The following AOPEP variants were observed in gnomAD, a reference collection of about 807,000 sequenced individuals.
AOPEP encodes aminopeptidase O.
In AOPEP, 77 loss-of-function variants were observed where a neutral mutation model predicts 98.1. The observed-to-expected ratio is 0.78, with a 90% confidence interval of 0.65 to 0.95. The LOEUF is 0.95. Ranked by LOEUF, AOPEP falls within the 40% of genes least tolerant of loss-of-function variation. The pLI, the probability that AOPEP is intolerant of heterozygous loss-of-function variation, is 0.00. For missense variants in AOPEP, 1,024 were observed against 1,024.7 expected (o/e 1.00, Z 0.01); for synonymous variants, 346 against 365.3 (o/e 0.95, Z 0.60).
chr9:95,087,006 A>G lies in AOPEP; in HGVS notation c.*329A>G, dbSNP rs866231866. 2 of 929,074 alleles carry G rather than the reference A, an allele frequency of 2.2e-6. No individual in the cohort carries two copies. Among genetic ancestry groups the G allele is most frequent in the Non-Finnish European group, 1.3e-6 (1 of 777,708 alleles). The allele number at this position is 929,074 out of a possible 1,614,324, so 57.6% of individuals were successfully genotyped here. A position where few individuals can be genotyped will look rare whatever the true frequency, so the allele number is the denominator to read the frequency against. On this transcript the variant is annotated 3_prime_UTR_variant, in exon 17 of 17. Coordinates refer to ENST00000375315, the MANE Select transcript of AOPEP (RefSeq NM_001193329.3). ...TTGGAAAACCTGCTGAACATTTTAC[A>G]TTGGTCTGCTCAGCACATGGCTGGA...
At chr9:94,846,423 G>A (rs2042872118) in intron 5 of AOPEP, among the ~76,000 whole-genome samples, 4 of 152,164 alleles carry the variant, frequency 2.6e-5, no homozygotes, top group Admixed American at 1.3e-4. Flanking sequence ...AGTTTAACTG[G>A]AGTGAGTTGA....
At chr9:95,150,023 C>T in the AOPEP span, 4 of 1,614,128 alleles carry the variant, frequency 2.5e-6, no homozygotes, top group East Asian at 4.5e-5. Context: ...AGGGGGTCAA[C>T]ATCTGTCAGG....
intron 11 of AOPEP, chr9:95,004,007 T>C: frequency 3.3e-6 from 1 of 307,116 alleles, no homozygotes; most frequent in Non-Finnish European, 6.5e-6. Context: ...CATGGCAAAG[T>C]TGCTGCTATT....
At chr9:94,891,320 C>T (rs1173562460) in intron 5 of AOPEP, among the ~76,000 whole-genome samples, 2 of 152,150 alleles carry the variant, frequency 1.3e-5, no homozygotes, top group Non-Finnish European at 2.9e-5. Context: ...TGTTGTTACG[C>T]TTGAAGTGAA....
intron 13 of AOPEP, among the ~76,000 whole-genome samples, chr9:95,042,035 A>G (rs950454386): frequency 6.6e-6 from 1 of 152,154 alleles, no homozygotes; most frequent in Admixed American, 6.5e-5. Context: ...GTCATTGGCC[A>G]GGCGCGGTGG....
intron 3 of AOPEP, among the ~76,000 whole-genome samples, chr9:94,782,184 C>T (rs1398670117): frequency 2.7e-5 from 4 of 150,778 alleles, no homozygotes; most frequent in East Asian, 2.0e-4. Flanking sequence ...AGTGAGACTC[C>T]GTCTCAAAAA....
At chr9:94,918,842 C>T (rs879864756) in intron 5 of AOPEP, among the ~76,000 whole-genome samples, 4 of 151,632 alleles carry the variant, frequency 2.6e-5, no homozygotes, top group Non-Finnish European at 4.4e-5. Context: ...GTCTCTCTGC[C>T]GTAGTCACAT....
At chr9:95,120,536 C>T in the AOPEP span, among the ~76,000 whole-genome samples, 1 of 151,992 alleles carries the variant, frequency 6.6e-6, no homozygotes, top group Non-Finnish European at 1.5e-5. Flanking sequence ...CACTTCACCC[C>T]CCGAGTAGCC....
chr9:95,041,446 G>GGTGTGTGTGTGTGT (rs57837059), intron 13 of AOPEP, among the ~76,000 whole-genome samples: 14 of 142,106 alleles, frequency 9.9e-5, no homozygotes, highest in South Asian at 2.4e-4. Flanking sequence ...AGTCCTTGGG[G>GGTGTGTGTGTGTGT]GTGTGTGTGT....
chr9:95,148,891 A>T, the AOPEP span, among the ~76,000 whole-genome samples: 3 of 152,224 alleles, frequency 2.0e-5, no homozygotes, highest in Non-Finnish European at 2.9e-5. Flanking sequence ...ATCCACAATG[A>T]TCTGCAATGG....
At chr9:94,759,052 C>T (rs186253774) in intron 1 of AOPEP, among the ~76,000 whole-genome samples, 106 of 151,902 alleles carry the variant, frequency 7.0e-4, no homozygotes, top group African/African-American at 2.0e-3. Context: ...GAAAAATCTC[C>T]GTGAACAATC....
chr9:94,891,071 G>C (rs1437195780), intron 5 of AOPEP, among the ~76,000 whole-genome samples: 1 of 152,182 alleles, frequency 6.6e-6, no homozygotes. Flanking sequence ...TAGATTGCCG[G>C]TTTCTCCTTT....
chr9:94,789,675 A>G (rs1015215061), intron 3 of AOPEP, among the ~76,000 whole-genome samples: 5 of 152,172 alleles, frequency 3.3e-5, no homozygotes, highest in African/African-American at 1.2e-4. Flanking sequence ...TGGAGTCCCT[A>G]TAGCCCATCA....
the AOPEP span, among the ~76,000 whole-genome samples, chr9:95,125,563 C>T: frequency 1.3e-5 from 2 of 152,172 alleles, no homozygotes; most frequent in Non-Finnish European, 2.9e-5. Context: ...CGTCCATCCA[C>T]CCAGCAAAGT....
At chr9:95,111,513 C>CCT in the AOPEP span, 1 of 1,614,084 alleles carries the variant, frequency 6.2e-7, no homozygotes. Context: ...TAGTAGAAGG[C>CCT]CAAGAGCCAC....
rs1020374519 is a variant in AOPEP, at chr9:94,980,428, G to T, written c.1977+1001G>T. Reference sequence around the variant, plus strand: ...TCTGGTTTCATGGCTGGTTACATGAGCTTCCCCTTAGGAGGGTCTCAATGT... The same window carrying T: ...TCTGGTTTCATGGCTGGTTACATGATCTTCCCCTTAGGAGGGTCTCAATGT... On this transcript the variant is annotated intron_variant, in intron 11 of 16. Coordinates refer to ENST00000375315, the MANE Select transcript of AOPEP (RefSeq NM_001193329.3). This position sits in a 1 kb window ranked among gnomAD's most constrained non-coding sequence, Gnocchi z 4.3. Among the ~76,000 whole-genome samples the T allele has an allele frequency of 1.3e-5, 2 of 152,238 alleles. No individual in the cohort carries two copies. The highest frequency in any genetic ancestry group is 2.9e-5 in the Non-Finnish European group (2 of 68,042).
rs763295049 is a variant in AOPEP, at chr9:94,760,074, T to C, written c.291T>C (p.Asn97=). The change falls in exon 2 of 17, where the codon AAT becomes AAC. Residue 97 remains asparagine (N), a synonymous_variant. Transcript: ENST00000375315. ...ARTFSSEMEY[N]DFAICSKGEK... ...CCTTCTCATCTGAAATGGAATATAATGATTTTGCAATCTGTAGTAAAGGTG... is the reference window on the plus strand; with the variant it reads ...CCTTCTCATCTGAAATGGAATATAACGATTTTGCAATCTGTAGTAAAGGTG... 6.2e-7 allele frequency: 1 copy of C among 1,614,250 alleles called. No homozygotes were observed. The highest frequency in any genetic ancestry group is 1.1e-5 in the South Asian group (1 of 91,080).
intron 5 of AOPEP, among the ~76,000 whole-genome samples, chr9:94,815,785 A>G (rs1851583985): frequency 6.6e-6 from 1 of 152,126 alleles, no homozygotes; most frequent in Non-Finnish European, 1.5e-5. Flanking sequence ...GGTGCTGCTC[A>G]TAGTAACTGC....
At chr9:95,012,360 C>CT (rs748374218) in intron 13 of AOPEP, among the ~76,000 whole-genome samples, 2 of 152,140 alleles carry the variant, frequency 1.3e-5, no homozygotes, top group Non-Finnish European at 2.9e-5. Flanking sequence ...GCCATCAACT[C>CT]TTCTATGCCA....
Sources: allele counts gnomAD v4.1 joint callset (sites outside exome capture counted in the v4.1 genomes callset), GRCh38; gene constraint gnomAD v4.1.1; non-coding constraint Gnocchi (gnomAD v3.1); transcripts MANE v1.5; gene names NCBI Gene and HGNC (gene_info 2026-07-23, HGNC 2026-07-21).